The following MOB3B variants were observed in gnomAD, a reference collection of about 807,000 sequenced individuals.
The protein encoded by MOB3B is MOB kinase activator-like 2B.
MOB3B carries 7 observed loss-of-function variants against 18.7 expected under a neutral mutation model. The ratio of observed to expected loss-of-function variants is 0.37; its 90% CI spans 0.21 to 0.70. The LOEUF (loss-of-function observed/expected upper bound fraction) is 0.70. Among genes scored for constraint, MOB3B ranks in the 30% least tolerant of loss-of-function variants. MOB3B has a pLI of 0.52. For synonymous variants in MOB3B, 111 were observed against 99.9 expected (o/e 1.11, Z -0.66); for missense variants, 253 against 281.3 (o/e 0.90, Z 0.72).
intron 1 of MOB3B, among the ~76,000 whole-genome samples, chr9:27,505,620 T>C (rs2492819): frequency 0.93 from 142,211 of 152,338 alleles, 66,951 homozygotes; most frequent in East Asian, 1. Flanking sequence ...TGGCCAATGC[T>C]GTGCAAACAG....
chr9:27,461,504 G>T (rs938258849), intron 1 of MOB3B, among the ~76,000 whole-genome samples: 1 of 152,172 alleles, frequency 6.6e-6, no homozygotes, highest in Non-Finnish European at 1.5e-5. Flanking sequence ...GAGAAACCTT[G>T]CTGCCTCATT....
intron 1 of MOB3B, among the ~76,000 whole-genome samples, chr9:27,526,950 T>C (rs757619799): frequency 6.6e-5 from 10 of 152,224 alleles, no homozygotes; most frequent in Non-Finnish European, 1.5e-4. Flanking sequence ...CAGGGAAATA[T>C]GGCAATCTTC....
intron 3 of MOB3B, among the ~76,000 whole-genome samples, chr9:27,348,667 A>AG (rs1554644685): frequency 1.3e-5 from 2 of 152,076 alleles, no homozygotes; most frequent in African/African-American, 2.4e-5. Flanking sequence ...TAAAAAAAAA[A>AG]AAAGAAAGAA....
At position 27,524,493 on chromosome 9, in the gene MOB3B, A is replaced by T. The variant is rs996816073; in HGVS notation, c.-199+5062T>A. On this transcript the variant is annotated intron_variant, in intron 1 of 3. Transcript: ENST00000262244. ...TCTGAGACATCTGAGTAGTATGAGC[A>T]ATTCATTTCCTGTAGAATGTCTACG... 8 of 1,614,012 alleles carry T rather than the reference A, an allele frequency of 5.0e-6. No individual in the cohort carries two copies. The African/African-American group carries it at 9.3e-5, about 19-fold the overall frequency.
intron 1 of MOB3B, among the ~76,000 whole-genome samples, chr9:27,456,358 G>A (rs1383865143): frequency 2.0e-5 from 3 of 152,166 alleles, no homozygotes; most frequent in Admixed American, 6.5e-5. Context: ...CACGGAGGAA[G>A]AGGAGGAAAA....
chr9:27,486,825 C>A (rs1819735126), intron 1 of MOB3B, among the ~76,000 whole-genome samples: 1 of 152,142 alleles, frequency 6.6e-6, no homozygotes, highest in African/African-American at 2.4e-5. Flanking sequence ...AGACTCAAGG[C>A]AGCTTAAGAA....
chr9:27,370,228 G>C (rs1821396322), intron 2 of MOB3B, among the ~76,000 whole-genome samples: 1 of 152,088 alleles, frequency 6.6e-6, no homozygotes, highest in Non-Finnish European at 1.5e-5. Context: ...GAGGGTCCTG[G>C]CTGGGCGCGG....
intron 2 of MOB3B, among the ~76,000 whole-genome samples, chr9:27,436,302 A>C (rs949147653): frequency 5.3e-5 from 8 of 152,240 alleles, no homozygotes; most frequent in Admixed American, 2.0e-4. Context: ...CAACTTATAC[A>C]AAGCACTTTC....
intron 2 of MOB3B, among the ~76,000 whole-genome samples, chr9:27,398,017 C>T (rs974217315): frequency 2.6e-5 from 4 of 152,192 alleles, no homozygotes; most frequent in Admixed American, 6.5e-5. Context: ...CCAAGTCTCC[C>T]GTCTTTTGAT....
intron 1 of MOB3B, among the ~76,000 whole-genome samples, chr9:27,525,269 C>T (rs1164546552): frequency 6.6e-6 from 1 of 152,168 alleles, no homozygotes; most frequent in African/African-American, 2.4e-5. Context: ...TATATACCAC[C>T]TGTGGACTTC....
intron 1 of MOB3B, among the ~76,000 whole-genome samples, chr9:27,475,329 G>A (rs929119238): frequency 4.6e-5 from 7 of 152,256 alleles, no homozygotes; most frequent in Admixed American, 2.0e-4. Flanking sequence ...GGAGAACCCA[G>A]CTACGCTGTA....
intron 3 of MOB3B, among the ~76,000 whole-genome samples, chr9:27,340,555 C>A (rs1167349969): frequency 1.3e-5 from 2 of 152,142 alleles, no homozygotes; most frequent in East Asian, 1.9e-4. Context: ...CTCTGCAGAT[C>A]CCCTCCCTAG....
At chr9:27,474,920 C>A (rs1819529486) in intron 1 of MOB3B, among the ~76,000 whole-genome samples, 1 of 152,214 alleles carries the variant, frequency 6.6e-6, no homozygotes, top group South Asian at 2.1e-4. Context: ...TCCTAGTGAT[C>A]TCTGTCTCCT....
chr9:27,462,448 A>C (rs1819307983), intron 1 of MOB3B, among the ~76,000 whole-genome samples: 1 of 152,216 alleles, frequency 6.6e-6, no homozygotes, highest in South Asian at 2.1e-4. Flanking sequence ...GCAGGTAAAA[A>C]ATGTAAGTAT....
intron 1 of MOB3B, among the ~76,000 whole-genome samples, chr9:27,486,949 G>A (rs1819736977): frequency 6.6e-6 from 1 of 151,884 alleles, no homozygotes; most frequent in Admixed American, 6.6e-5. Context: ...TGGCCAACAT[G>A]GTGAAACCTC....
intron 1 of MOB3B, among the ~76,000 whole-genome samples, chr9:27,508,643 G>A (rs1189959464): frequency 1.3e-5 from 2 of 152,130 alleles, no homozygotes; most frequent in African/African-American, 4.8e-5. Context: ...GTGAGATAAG[G>A]TGTCAGATAC....
chr9:27,488,765 A>G (rs1001605178), intron 1 of MOB3B, among the ~76,000 whole-genome samples: 1 of 152,198 alleles, frequency 6.6e-6, no homozygotes, highest in African/African-American at 2.4e-5. Context: ...TGACAACCAA[A>G]CAGGATGCCC....
At chr9:27,420,698 A>G (rs1325636859) in intron 2 of MOB3B, among the ~76,000 whole-genome samples, 2 of 150,726 alleles carry the variant, frequency 1.3e-5, no homozygotes, top group Admixed American at 1.3e-4. Flanking sequence ...CAGGAATGGA[A>G]AACCAAAGGT....
intron 2 of MOB3B, among the ~76,000 whole-genome samples, chr9:27,372,214 CAG>C (rs1491404210): frequency 6.6e-6 from 1 of 152,126 alleles, no homozygotes; most frequent in Non-Finnish European, 1.5e-5. Context: ...AACACAATGA[CAG>C]GGGCGTAGGA....
Sources: gnomAD v4.1 joint callset for allele counts (sites outside exome capture counted in the v4.1 genomes callset) on GRCh38, gnomAD v4.1.1 for gene constraint, MANE v1.5 for transcripts, NCBI Gene and HGNC (gene_info 2026-07-23, HGNC 2026-07-21) for gene names.